Variants in ADAM22 observed in about 807,000 individuals in gnomAD.
The protein encoded by ADAM22 is ADAM metallopeptidase domain 22.
In ADAM22, 65 loss-of-function variants were observed where a neutral mutation model predicts 144.6. That is an observed-to-expected ratio of 0.45 (90% CI 0.37 to 0.55). The LOEUF (loss-of-function observed/expected upper bound fraction) is 0.55, where lower values mean the gene tolerates loss of function less well. ADAM22 is among the 20% of genes least tolerant of loss of function. ADAM22 has a pLI of 0.00. For synonymous variants in ADAM22, 391 were observed against 412.6 expected (o/e 0.95, Z 0.63); for missense variants, 974 against 1,184.9 (o/e 0.82, Z 2.61).
intron 3 of ADAM22, among the ~76,000 whole-genome samples, chr7:88,039,464 A>AATATATATATATATATATATATATATAT (rs1554420479): frequency 2.0e-4 from 15 of 76,054 alleles, no homozygotes; most frequent in South Asian, 5.7e-4. Context: ...AAAAAAAAAA[A>AATATATATATATATATATATATATATAT]ATATATATAT....
intron 24 of ADAM22, among the ~76,000 whole-genome samples, chr7:88,167,614 T>C (rs1186228705): frequency 1.3e-5 from 2 of 152,112 alleles, no homozygotes; most frequent in African/African-American, 4.8e-5. Flanking sequence ...AAGCCCAGTG[T>C]TTCTATCACC....
At chr7:88,139,285 G>A (rs1246047273) in intron 14 of ADAM22, among the ~76,000 whole-genome samples, 2 of 152,026 alleles carry the variant, frequency 1.3e-5, no homozygotes, top group Non-Finnish European at 2.9e-5. Flanking sequence ...GGATATGATG[G>A]CAGGCGCCTC....
chr7:88,051,683 C>T (rs1289221470), intron 3 of ADAM22, among the ~76,000 whole-genome samples: 7 of 151,762 alleles, frequency 4.6e-5, no homozygotes, highest in Admixed American at 4.6e-4. Flanking sequence ...ACATGTTTCC[C>T]AGAACTTAAA....
chr7:88,155,525 GAA>G (rs797005307), intron 21 of ADAM22, among the ~76,000 whole-genome samples: 7 of 68,552 alleles, frequency 1.0e-4, no homozygotes, highest in Admixed American at 3.1e-4. Flanking sequence ...CTGACTCTAA[GAA>G]AAAAAAAAAA....
chr7:87,955,643 C>T lies in ADAM22; in HGVS notation c.246+20457C>T, dbSNP rs186069578. On this transcript the variant is annotated intron_variant, in intron 2 of 31. Transcript: ENST00000413139. ...GATCTCCAGCTGCGTGCTGGGAGAA[C>T]CACTGCTCTCCTCAAAGTTGTCAGA... 2.0e-4 allele frequency among the ~76,000 whole-genome samples: 30 copies of T among 152,284 alleles called. No individual in the cohort carries two copies. The East Asian group carries it at 4.4e-3, about 23-fold the overall frequency.
At chr7:88,075,483 T>C (rs200274151) in intron 3 of ADAM22, 143 bp from the exon 4 acceptor site, 61 of 481,460 alleles carry the variant, frequency 1.3e-4, no homozygotes, top group Middle Eastern at 5.3e-4. Flanking sequence ...TGTGTGAGTG[T>C]GAGAGAGAGA....
chr7:88,113,738 A>ATG (rs1826937338), intron 5 of ADAM22, among the ~76,000 whole-genome samples: 1 of 130,858 alleles, frequency 7.6e-6, no homozygotes, highest in African/African-American at 2.9e-5. Context: ...ATATATATAT[A>ATG]TAGTAAGTCC....
intron 3 of ADAM22, among the ~76,000 whole-genome samples, chr7:88,008,871 A>G (rs1029810425): frequency 8.6e-5 from 13 of 150,456 alleles, no homozygotes; most frequent in Non-Finnish European, 1.6e-4. Flanking sequence ...CATTGTGCAC[A>G]TGTACCCTAA....
chr7:88,193,327 C>G, intron 31 of ADAM22, 88 bp downstream of exon 31: 1 of 1,422,732 alleles, frequency 7.0e-7, no homozygotes, highest in Non-Finnish European at 9.4e-7. Context: ...AACCATTTTT[C>G]CTCCCTTGTT....
chr7:88,003,169 A>G (rs530343176), intron 3 of ADAM22, among the ~76,000 whole-genome samples: 1 of 152,362 alleles, frequency 6.6e-6, no homozygotes, highest in South Asian at 2.1e-4. Flanking sequence ...GCAGGGAATC[A>G]TAGGAGATCT....
At chr7:88,026,607 G>C (rs1799087128) in intron 3 of ADAM22, among the ~76,000 whole-genome samples, 1 of 152,156 alleles carries the variant, frequency 6.6e-6, no homozygotes, top group African/African-American at 2.4e-5. Context: ...GAATTTATTA[G>C]TTCTAATATT....
At position 88,163,045 on chromosome 7, in the gene ADAM22, T is replaced by A; in HGVS notation, c.1941T>A (p.Asp647Glu). 6.2e-7 allele frequency: 1 copy of A among 1,611,502 alleles called. No homozygotes were observed. Among genetic ancestry groups the A allele is most frequent in the Non-Finnish European group, 8.5e-7 (1 of 1,178,782 alleles). The change falls in exon 23 of 32, where the codon GAT (aspartate) becomes GAA (glutamate). Residue 647 changes from aspartate (D) to glutamate (E), a missense_variant. Transcript: ENST00000413139. ...ATGTTAAGCTTGAAGAAGATGTAGA[T>A]CTTGGCTATGTGGAAGATGGGACAC... ...GGHVKLEEDV[D>E]LGYVEDGTPC... is the part of the protein sequence containing the mutation.
At chr7:88,161,813 G>T (rs1371587827) in intron 22 of ADAM22, among the ~76,000 whole-genome samples, 1 of 151,970 alleles carries the variant, frequency 6.6e-6, no homozygotes, top group African/African-American at 2.4e-5. Context: ...AAAATAACAT[G>T]CTGGCAAGGT....
intron 3 of ADAM22, among the ~76,000 whole-genome samples, chr7:88,036,019 A>G (rs1801450567): frequency 6.6e-6 from 1 of 152,366 alleles, no homozygotes; most frequent in East Asian, 1.9e-4. Flanking sequence ...TAATACTTAC[A>G]TGTAATCATC....
At chr7:88,184,898 G>A (rs1375832327) in intron 29 of ADAM22, among the ~76,000 whole-genome samples, 3 of 152,202 alleles carry the variant, frequency 2.0e-5, no homozygotes, top group Admixed American at 6.5e-5. Context: ...GAATAGCTGT[G>A]GCACCAGTAC....
At chr7:88,065,262 A>G (rs17150179) in intron 3 of ADAM22, among the ~76,000 whole-genome samples, 6,435 of 152,176 alleles carry the variant, frequency 0.042, 451 homozygotes, top group East Asian at 0.25. Context: ...TTAACATAAA[A>G]GAACCATATT....
chr7:87,954,655 C>T (rs1276720548), intron 2 of ADAM22, among the ~76,000 whole-genome samples: 2 of 151,638 alleles, frequency 1.3e-5, no homozygotes, highest in East Asian at 1.9e-4. Context: ...ATCTTTGTGG[C>T]ATTCTCTGTA....
At chr7:87,936,647 TATC>T (rs1841316088) in intron 2 of ADAM22, among the ~76,000 whole-genome samples, 1 of 152,128 alleles carries the variant, frequency 6.6e-6, no homozygotes, top group South Asian at 2.1e-4. Context: ...AAGCAAATCA[TATC>T]ATTTCATTCA....
chr7:88,046,408 C>T (rs1241194690), intron 3 of ADAM22, among the ~76,000 whole-genome samples: 2 of 151,904 alleles, frequency 1.3e-5, no homozygotes, highest in Non-Finnish European at 2.9e-5. Context: ...CCTATTTTTT[C>T]CATCATGTTA....
Sources: allele counts gnomAD v4.1 joint callset (sites outside exome capture counted in the v4.1 genomes callset), GRCh38; gene constraint gnomAD v4.1.1; transcripts MANE v1.5; gene names NCBI Gene and HGNC (gene_info 2026-07-23, HGNC 2026-07-21).